Variants in TAF3 observed in about 807,000 individuals in gnomAD.
The protein encoded by TAF3 is TATA-box binding protein associated factor 3.
TAF3 carries 7 observed loss-of-function variants against 80.6 expected under a neutral mutation model. The observed-to-expected ratio is 0.09, with a 90% confidence interval of 0.05 to 0.16. TAF3 has a LOEUF of 0.16. Ranked by LOEUF, TAF3 falls within the 10% of genes least tolerant of loss-of-function variation. The pLI, the probability that TAF3 is intolerant of heterozygous loss-of-function variation, is 1.00. For synonymous variants in TAF3, 444 were observed against 446.1 expected (o/e 1.00, Z 0.06); for missense variants, 921 against 1,140.2 (o/e 0.81, Z 2.77).
Position 7,963,987 on chromosome 10 carries a change from A to C in TAF3, c.477A>C (p.Glu159Asp), listed in dbSNP as rs770881016. 1 of 1,614,102 alleles carries C rather than the reference A, an allele frequency of 6.2e-7. No individual in the cohort carries two copies. The highest frequency in any genetic ancestry group is 2.2e-5 in the East Asian group (1 of 44,882). ...CAGAAGCCATGCAGGTTCCCTTGGA[A>C]GAAGATGATGAATTGGAGGAGGAAG... Reference protein sequence around the residue: ...TSAEAMQVPLEEDDELEEEEI... With the variant: ...TSAEAMQVPLDEDDELEEEEI... The change falls in exon 3 of 7, where the codon GAA (glutamate) becomes GAC (aspartate). Residue 159 changes from glutamate to aspartate, a missense_variant. By Grantham distance (45) the Glu-to-Asp change is conservative. Transcript: ENST00000344293.
Position 7,850,301 on chromosome 10 carries a change from G to A in TAF3, c.409+25741G>A, listed in dbSNP as rs1200218641. Among the ~76,000 whole-genome samples the A allele has an allele frequency of 2.0e-5, 3 of 152,162 alleles. No homozygotes were observed. In the East Asian group the frequency reaches 5.8e-4, roughly 29 times the overall value. ...CATTCATTTTATACTGCGACGGATA[G>A]GACAATTCATGATGTCAGTTTGGAG... On this transcript the variant is annotated intron_variant, in intron 2 of 6. Coordinates refer to ENST00000344293, the MANE Select transcript of TAF3 (RefSeq NM_031923.4).
At chr10:7,932,834 C>T (rs1837881072) in intron 2 of TAF3, among the ~76,000 whole-genome samples, 1 of 151,978 alleles carries the variant, frequency 6.6e-6, no homozygotes, top group Non-Finnish European at 1.5e-5. Context: ...TGCACTACCA[C>T]ACCGAGCTAA....
intron 3 of TAF3, among the ~76,000 whole-genome samples, chr10:7,968,090 G>A (rs1831589858): frequency 6.6e-6 from 1 of 152,114 alleles, no homozygotes; most frequent in South Asian, 2.1e-4. Context: ...TATGGTCCGA[G>A]AATTTTCCTA....
intron 2 of TAF3, among the ~76,000 whole-genome samples, chr10:7,915,748 G>A (rs1252590800): frequency 6.6e-6 from 1 of 151,928 alleles, no homozygotes; most frequent in Non-Finnish European, 1.5e-5. Context: ...GGAGGTTGAG[G>A]TGGGCGGATC....
At chr10:7,857,850 G>A (rs995722389) in intron 2 of TAF3, among the ~76,000 whole-genome samples, 5 of 151,550 alleles carry the variant, frequency 3.3e-5, no homozygotes, top group African/African-American at 1.2e-4. Flanking sequence ...AAATTCATTG[G>A]GAAGAAACTC....
chr10:7,953,885 C>G (rs562212698), intron 2 of TAF3, among the ~76,000 whole-genome samples: 1 of 149,586 alleles, frequency 6.7e-6, no homozygotes, highest in Admixed American at 6.7e-5. Context: ...ACAGAGCTCT[C>G]CATAGTGAGA....
intron 2 of TAF3, among the ~76,000 whole-genome samples, chr10:7,888,620 A>G (rs537366601): frequency 6.6e-6 from 1 of 152,288 alleles, no homozygotes; most frequent in African/African-American, 2.4e-5. Context: ...AGTTAGGTGC[A>G]TTTACAGGTT....
chr10:7,914,210 A>G (rs772286708), intron 2 of TAF3, among the ~76,000 whole-genome samples: 31 of 152,192 alleles, frequency 2.0e-4, no homozygotes, highest in Non-Finnish European at 2.2e-4. Context: ...TACCTTTTCT[A>G]TTAGAAATAC....
chr10:8,012,348 A>C (rs1832063693), intron 5 of TAF3, among the ~76,000 whole-genome samples: 1 of 152,200 alleles, frequency 6.6e-6, no homozygotes, highest in African/African-American at 2.4e-5. Flanking sequence ...AAATTCCCTT[A>C]GCTCCGGTTT....
intron 2 of TAF3, among the ~76,000 whole-genome samples, chr10:7,939,577 T>TAC (rs71385681): frequency 0.12 from 17,374 of 139,056 alleles, 1,154 homozygotes; most frequent in East Asian, 0.17. Flanking sequence ...AGAAGAAAAC[T>TAC]ACACACACAC....
Position 7,819,353 on chromosome 10 carries a change from G to T in TAF3, c.166+478G>T, listed in dbSNP as rs1458259081. Among the ~76,000 whole-genome samples the T allele has an allele frequency of 3.3e-5, 5 of 152,290 alleles. No homozygotes were observed. The South Asian group carries it at 8.3e-4, about 25-fold the overall frequency. ...TCCTAACTACATAGACTCGTTGACA[G>T]CTCTGCTCCGTTAGGGACACTGCCT... On this transcript the variant is annotated intron_variant, in intron 1 of 6. Transcript: ENST00000344293.
At chr10:7,935,879 T>C (rs1434573114) in intron 2 of TAF3, among the ~76,000 whole-genome samples, 6 of 152,138 alleles carry the variant, frequency 3.9e-5, no homozygotes, top group Non-Finnish European at 7.4e-5. Context: ...AGGGTGTTTA[T>C]AGACCATGAC....
chr10:7,820,099 T>C (rs1430538109), intron 1 of TAF3, among the ~76,000 whole-genome samples: 1 of 152,234 alleles, frequency 6.6e-6, no homozygotes, highest in African/African-American at 2.4e-5. Context: ...TCCAAAATGT[T>C]TTAAGCTGTC....
At chr10:7,905,195 T>TA (rs933870438) in intron 2 of TAF3, among the ~76,000 whole-genome samples, 2 of 152,134 alleles carry the variant, frequency 1.3e-5, no homozygotes, top group African/African-American at 4.8e-5. Flanking sequence ...CACCCTACGT[T>TA]AGAGTTTGAG....
At chr10:7,998,535 G>A (rs1034175527) in intron 4 of TAF3, among the ~76,000 whole-genome samples, 8 of 151,970 alleles carry the variant, frequency 5.3e-5, no homozygotes, top group African/African-American at 1.9e-4. Context: ...GGCCTTATAG[G>A]TAAGGGAGAA....
chr10:7,885,540 C>T (rs1837401932), intron 2 of TAF3, among the ~76,000 whole-genome samples: 1 of 152,200 alleles, frequency 6.6e-6, no homozygotes, highest in Non-Finnish European at 1.5e-5. Flanking sequence ...CACTTGGCCC[C>T]ATCCACTGCT....
At chr10:7,962,307 A>G (rs552000074) in intron 2 of TAF3, among the ~76,000 whole-genome samples, 96 of 152,240 alleles carry the variant, frequency 6.3e-4, no homozygotes, top group African/African-American at 2.1e-3. Flanking sequence ...TGCCTCTCAC[A>G]TCACTTCAGT....
At chr10:7,838,908 G>GTTTTTTT (rs71505463) in intron 2 of TAF3, among the ~76,000 whole-genome samples, 15,266 of 100,016 alleles carry the variant, frequency 0.15, 1,490 homozygotes, top group South Asian at 0.2. Flanking sequence ...GGCATTGCTT[G>GTTTTTTT]TTTTTTTTTT....
chr10:7,840,791 T>C (rs1160953290), intron 2 of TAF3, among the ~76,000 whole-genome samples: 1 of 152,200 alleles, frequency 6.6e-6, no homozygotes, highest in Non-Finnish European at 1.5e-5. Context: ...TGCCTTTTAT[T>C]TAGCTAATGA....
Sources: gnomAD v4.1 joint callset for allele counts (sites outside exome capture counted in the v4.1 genomes callset) on GRCh38, gnomAD v4.1.1 for gene constraint, MANE v1.5 for transcripts, NCBI Gene and HGNC (gene_info 2026-07-23, HGNC 2026-07-21) for gene names.